The following LIN52 variants were observed in gnomAD, a reference collection of about 807,000 sequenced individuals.
The protein encoded by LIN52 is protein lin-52 homolog.
A neutral mutation model predicts 18.5 loss-of-function variants in LIN52; 4 were observed. The observed-to-expected ratio is 0.22, with a 90% CI of 0.11 to 0.49. The LOEUF (loss-of-function observed/expected upper bound fraction) is 0.49. Among genes scored for constraint, LIN52 ranks in the 20% least tolerant of loss-of-function variants. The pLI is 0.97. For synonymous variants in LIN52, 34 were observed against 45.5 expected (o/e 0.75, Z 1.02); for missense variants, 102 against 139.5 (o/e 0.73, Z 1.35).
At chr14:74,164,280 C>T (rs1163284846) in intron 5 of LIN52, among the ~76,000 whole-genome samples, 4 of 95,374 alleles carry the variant, frequency 4.2e-5, no homozygotes, top group East Asian at 3.1e-4. Context: ...TGCGCCCAGC[C>T]GTTTTTGTTT....
At chr14:74,132,480 A>T (rs2061073679) in intron 5 of LIN52, among the ~76,000 whole-genome samples, 1 of 152,174 alleles carries the variant, frequency 6.6e-6, no homozygotes, top group Non-Finnish European at 1.5e-5. Context: ...ATTGAGATCC[A>T]TGCACTACAT....
intron 5 of LIN52, among the ~76,000 whole-genome samples, chr14:74,186,953 C>A (rs1434144322): frequency 1.3e-5 from 2 of 152,094 alleles, no homozygotes; most frequent in Non-Finnish European, 2.9e-5. Context: ...ATGGCACATG[C>A]CTTTAGTCTG....
At chr14:74,102,045 G>A (rs62005141) in intron 5 of LIN52, among the ~76,000 whole-genome samples, 28,187 of 151,998 alleles carry the variant, frequency 0.19, 2,830 homozygotes, top group South Asian at 0.43. Context: ...AAAGTGCTGG[G>A]ATTATGAACC....
At chr14:74,140,444 G>A (rs1295570902) in intron 5 of LIN52, among the ~76,000 whole-genome samples, 1 of 152,194 alleles carries the variant, frequency 6.6e-6, no homozygotes, top group East Asian at 1.9e-4. Context: ...TCGAGCATTA[G>A]AACAAGATAA....
intron 5 of LIN52, among the ~76,000 whole-genome samples, chr14:74,156,336 A>C (rs950070799): frequency 1.3e-5 from 2 of 152,192 alleles, no homozygotes; most frequent in African/African-American, 4.8e-5. Context: ...TTTACATGTC[A>C]ATCTACAATT....
rs546216483 is a variant in LIN52 at position 74,102,858 on chromosome 14, T to C, written c.283+1620T>C. Among the ~76,000 whole-genome samples, 228 of 152,322 alleles carry C rather than the reference T, an allele frequency of 1.5e-3. 2 individuals are homozygous for C. Among genetic ancestry groups the C allele is most frequent in the African/African-American group, 5.4e-3 (223 of 41,556 alleles). ...TCTGCTTTCCTACTGAGAAAGGTAATGAAGTATTTTTTCCTGCTTTTTATT... is the reference window on the plus strand; with the variant it reads ...TCTGCTTTCCTACTGAGAAAGGTAACGAAGTATTTTTTCCTGCTTTTTATT... On this transcript the variant is annotated intron_variant, in intron 5 of 5. Transcript: ENST00000555028.
At chr14:74,087,212 G>A (rs928083648) in intron 1 of LIN52, among the ~76,000 whole-genome samples, 3 of 151,902 alleles carry the variant, frequency 2.0e-5, no homozygotes, top group East Asian at 1.9e-4. Context: ...TCAGGAGATC[G>A]AGACCATCCT....
chr14:74,167,455 A>G (rs1183327341), intron 5 of LIN52, among the ~76,000 whole-genome samples: 1 of 152,070 alleles, frequency 6.6e-6, no homozygotes, highest in Non-Finnish European at 1.5e-5. Flanking sequence ...GACTTAGTCA[A>G]TAGTTGGCTA....
intron 5 of LIN52, among the ~76,000 whole-genome samples, chr14:74,180,744 C>T (rs1164296104): frequency 6.6e-6 from 1 of 152,138 alleles, no homozygotes; most frequent in Non-Finnish European, 1.5e-5. Flanking sequence ...TTCACTTTCA[C>T]TTTGGCATTG....
chr14:74,143,230 C>T (rs1302063431), intron 5 of LIN52, among the ~76,000 whole-genome samples: 1 of 152,090 alleles, frequency 6.6e-6, no homozygotes, highest in South Asian at 2.1e-4. Context: ...CTTCTGTGTT[C>T]TATACTCTCC....
At chr14:74,148,216 A>T (rs997334550) in intron 5 of LIN52, among the ~76,000 whole-genome samples, 1 of 152,100 alleles carries the variant, frequency 6.6e-6, no homozygotes, top group Admixed American at 6.5e-5. Flanking sequence ...ATTATTTCGC[A>T]AAATAGATTG....
chr14:74,194,170 G>T (rs2078896614), intron 5 of LIN52, among the ~76,000 whole-genome samples: 1 of 152,178 alleles, frequency 6.6e-6, no homozygotes, highest in Non-Finnish European at 1.5e-5. Context: ...CTTGAGAGAG[G>T]TTCTGCACCC....
chr14:74,115,104 A>C (rs1417613153), intron 5 of LIN52, among the ~76,000 whole-genome samples: 3 of 152,250 alleles, frequency 2.0e-5, no homozygotes, highest in African/African-American at 7.2e-5. Context: ...CTCATGTTTT[A>C]AATAAGCGAC....
At chr14:74,160,761 C>G (rs1238470992) in intron 5 of LIN52, among the ~76,000 whole-genome samples, 1 of 152,148 alleles carries the variant, frequency 6.6e-6, no homozygotes, top group Non-Finnish European at 1.5e-5. Context: ...CTACTAGACA[C>G]TTTGCTCAGT....
intron 5 of LIN52, among the ~76,000 whole-genome samples, chr14:74,108,125 A>G (rs1346754792): frequency 6.6e-6 from 1 of 152,094 alleles, no homozygotes; most frequent in African/African-American, 2.4e-5. Context: ...ATCATATAAT[A>G]TGTGGTTTCT....
intron 5 of LIN52, among the ~76,000 whole-genome samples, chr14:74,107,615 C>G (rs989417298): frequency 6.6e-6 from 1 of 152,094 alleles, no homozygotes; most frequent in African/African-American, 2.4e-5. Context: ...AGTCCTTGGA[C>G]TGATTGTAAC....
At chr14:74,184,102 A>C (rs1312572197) in intron 5 of LIN52, among the ~76,000 whole-genome samples, 1 of 152,168 alleles carries the variant, frequency 6.6e-6, no homozygotes, top group Non-Finnish European at 1.5e-5. Context: ...AGGATTCCCC[A>C]CATTTTCTCA....
chr14:74,165,859 T>A (rs1362749620), intron 5 of LIN52, among the ~76,000 whole-genome samples: 1 of 151,648 alleles, frequency 6.6e-6, no homozygotes, highest in Non-Finnish European at 1.5e-5. Context: ...TGTTACAATA[T>A]CCAGTCTCTG....
chr14:74,118,950 CT>C (rs1458353604), intron 5 of LIN52, among the ~76,000 whole-genome samples: 1 of 91,964 alleles, frequency 1.1e-5, no homozygotes, highest in African/African-American at 4.9e-5. Context: ...TTGTGTCTGA[CT>C]TTTGATCAGC....
Sources: allele counts gnomAD v4.1 joint callset (sites outside exome capture counted in the v4.1 genomes callset), GRCh38; gene constraint gnomAD v4.1.1; transcripts MANE v1.5; gene names NCBI Gene and HGNC (gene_info 2026-07-23, HGNC 2026-07-21).